Variants in POLR2B observed in about 807,000 individuals in gnomAD.
POLR2B encodes RNA polymerase II subunit B.
In POLR2B, 57 loss-of-function variants were observed where a neutral mutation model predicts 144.6. The ratio of observed to expected loss-of-function variants is 0.39; its 90% confidence interval spans 0.32 to 0.49. POLR2B has a LOEUF of 0.49. Among genes scored for constraint, POLR2B ranks in the 20% least tolerant of loss-of-function variants. The pLI is 0.83. For missense variants in POLR2B, 595 were observed against 1,467.4 expected (o/e 0.41, Z 9.71); for synonymous variants, 442 against 469.8 (o/e 0.94, Z 0.77).
intron 10 of POLR2B, 136 bp downstream of exon 10, chr4:57,007,138 G>C: frequency 1.6e-6 from 1 of 631,708 alleles, no homozygotes; most frequent in Non-Finnish European, 2.7e-6. Flanking sequence ...GCCGGGTGTG[G>C]TGGCTCACAC....
intron 1 of POLR2B, among the ~76,000 whole-genome samples, chr4:56,982,750 C>G (rs892397887): frequency 2.0e-4 from 30 of 151,832 alleles, no homozygotes; most frequent in Admixed American, 1.3e-4. Flanking sequence ...AGGATGTGTG[C>G]CTAGGGTATA....
Position 56,994,696 on chromosome 4 carries a change from G to T in POLR2B, c.406G>T (p.Gly136Cys), listed in dbSNP as rs140288467. Reference protein sequence around the residue: ...VDITKTVIKEGEEQLQTQHQK... With the variant: ...VDITKTVIKECEEQLQTQHQK... ...TATAACAAAAACAGTCATTAAAGAA[G>T]GTGAAGAACAACTTCAGACTCAGCA... Residue 136 changes from glycine to cysteine, a missense_variant, in exon 5 of 25, where the codon GGT becomes TGT. Around this residue, in one of 9 missense-constraint regions of POLR2B, gnomAD observed 251 missense variants for 567.3 expected, o/e 0.44. Coordinates refer to ENST00000314595, the MANE Select transcript of POLR2B (RefSeq NM_000938.3). 426 of 1,613,506 alleles carry T rather than the reference G, an allele frequency of 2.6e-4. 2 individuals are homozygous for T. In the East Asian group the frequency reaches 8.7e-3, roughly 33 times the overall value.
intron 8 of POLR2B, 41 bp downstream of exon 8, chr4:57,005,483 C>A (rs889497649): frequency 1.1e-5 from 16 of 1,488,712 alleles, no homozygotes; most frequent in Non-Finnish European, 1.4e-5. Flanking sequence ...TATCAAGATA[C>A]AGTTGAGATA....
Position 57,011,821 on chromosome 4 carries a change from CA to C in POLR2B, c.1800+728del, listed in dbSNP as rs534810035. ...CTGGCGACAGAGCGAGACTCCATCT[CA>C]AAAAAAGAAGTTATTGCTTGCCTTA... On this transcript the variant is annotated intron_variant, in intron 13 of 24. Transcript: ENST00000314595. Among the ~76,000 whole-genome samples, 584 of 152,102 alleles carry C rather than the reference CA, an allele frequency of 3.8e-3. 5 individuals are homozygous for C. The highest frequency in any genetic ancestry group is 0.014 in the African/African-American group (569 of 41,506).
chr4:56,994,071 G>A (rs1258132398), intron 3 of POLR2B, among the ~76,000 whole-genome samples: 1 of 152,164 alleles, frequency 6.6e-6, no homozygotes, highest in Non-Finnish European at 1.5e-5. Context: ...AAAGCAATTA[G>A]CAGATCCTTC....
chr4:56,987,142 T>C (rs1302146820), intron 2 of POLR2B, among the ~76,000 whole-genome samples: 1 of 152,228 alleles, frequency 6.6e-6, no homozygotes, highest in Non-Finnish European at 1.5e-5. Flanking sequence ...TGATTACTTT[T>C]GGCAGAAGTG....
At chr4:56,993,150 C>T (rs371898610) in intron 3 of POLR2B, among the ~76,000 whole-genome samples, 1 of 151,586 alleles carries the variant, frequency 6.6e-6, no homozygotes, top group Non-Finnish European at 1.5e-5. Flanking sequence ...CCAAAAAATA[C>T]AAAAATTAGC....
chr4:56,980,542 G>C (rs1722125839), intron 1 of POLR2B, among the ~76,000 whole-genome samples: 1 of 152,008 alleles, frequency 6.6e-6, no homozygotes. Context: ...GGCAACATGG[G>C]AGACCCCTCT....
intron 9 of POLR2B, 124 bp from the exon 10 acceptor site, chr4:57,006,692 A>C: frequency 1.4e-6 from 1 of 698,104 alleles, no homozygotes; most frequent in East Asian, 2.5e-5. Context: ...AAGAGCAACA[A>C]CTTTCACTCT....
chr4:56,995,488 C>T, intron 6 of POLR2B, 79 bp downstream of exon 6: 1 of 1,023,558 alleles, frequency 9.8e-7, no homozygotes. Flanking sequence ...CTTCTTTGTC[C>T]ATAGAAGCTT....
chr4:57,018,902 T>C (rs1723448813), intron 16 of POLR2B, among the ~76,000 whole-genome samples: 1 of 152,170 alleles, frequency 6.6e-6, no homozygotes, highest in South Asian at 2.1e-4. Context: ...AAGAGAAATC[T>C]GAAGGGTATG....
intron 1 of POLR2B, among the ~76,000 whole-genome samples, chr4:56,982,973 T>G (rs946654019): frequency 2.6e-5 from 4 of 152,206 alleles, no homozygotes; most frequent in African/African-American, 9.6e-5. Flanking sequence ...ATATGTCAAA[T>G]CTGGCCACTT....
intron 18 of POLR2B, among the ~76,000 whole-genome samples, chr4:57,022,962 ACT>A (rs1723599258): frequency 6.6e-6 from 1 of 152,076 alleles, no homozygotes; most frequent in Admixed American, 6.6e-5. Flanking sequence ...ATCCATAGAT[ACT>A]CTCTTTTTAA....
At chr4:56,984,740 T>C (rs1722264219) in intron 1 of POLR2B, among the ~76,000 whole-genome samples, 1 of 152,236 alleles carries the variant, frequency 6.6e-6, no homozygotes, top group East Asian at 1.9e-4. Flanking sequence ...GTATCAAATT[T>C]TGAACCCAGA....
At chr4:57,012,766 G>C (rs962247014) in intron 13 of POLR2B, among the ~76,000 whole-genome samples, 1 of 152,164 alleles carries the variant, frequency 6.6e-6, no homozygotes, top group Non-Finnish European at 1.5e-5. Context: ...CCAGGTTCAA[G>C]AAATTCTCAT....
intron 14 of POLR2B, among the ~76,000 whole-genome samples, chr4:57,016,605 AAT>A (rs1723374846): frequency 6.7e-6 from 1 of 149,470 alleles, no homozygotes; most frequent in African/African-American, 2.4e-5. Context: ...TATTACATAT[AAT>A]ATGACAATAA....
At chr4:57,013,168 G>T (rs947843843) in intron 13 of POLR2B, among the ~76,000 whole-genome samples, 19 of 152,050 alleles carry the variant, frequency 1.2e-4, no homozygotes, top group Admixed American at 3.9e-4. Flanking sequence ...TAGAGATGGG[G>T]TTTTGCCATA....
intron 13 of POLR2B, 78 bp downstream of exon 13, chr4:57,011,178 AT>A: frequency 1.1e-6 from 1 of 872,508 alleles, no homozygotes; most frequent in Non-Finnish European, 1.9e-6. Flanking sequence ...TTATCTTTGC[AT>A]TGGCATCTTT....
In POLR2B at chr4:57,023,626, A is replaced by C. The variant is rs764832107; in HGVS notation, c.2767-36A>C. On this transcript the variant is annotated intron_variant, in intron 19 of 24. Transcript: ENST00000314595. This position sits in a 1 kb window ranked among gnomAD's most constrained non-coding sequence, Gnocchi z 4.3. ...GTAGCTAGTTTTAGAAAGTAAACCAAATCCACTTAACTAACTTATTTTTAT... is the reference window on the plus strand; with the variant it reads ...GTAGCTAGTTTTAGAAAGTAAACCACATCCACTTAACTAACTTATTTTTAT... 1.2e-6 allele frequency: 2 copies of C among 1,611,122 alleles called. No individual in the cohort carries two copies. Among genetic ancestry groups the C allele is most frequent in the East Asian group, 2.2e-5 (1 of 44,840 alleles).
Sources: gnomAD v4.1 joint callset for allele counts (sites outside exome capture counted in the v4.1 genomes callset) on GRCh38, gnomAD v4.1.1 for gene constraint, gnomAD v4.1.1 regional missense constraint, Gnocchi (gnomAD v3.1) non-coding constraint, MANE v1.5 for transcripts, NCBI Gene and HGNC (gene_info 2026-07-23, HGNC 2026-07-21) for gene names.